The following CCSER1 variants were observed in gnomAD, a reference collection of about 807,000 sequenced individuals.
The protein encoded by CCSER1 is coiled-coil serine rich protein 1.
CCSER1 carries 41 observed loss-of-function variants against 82.0 expected under a neutral mutation model. That is an observed-to-expected ratio of 0.50 (90% confidence interval 0.39 to 0.65). CCSER1 has a LOEUF of 0.65. CCSER1 is among the 30% of genes least tolerant of loss of function. The probability of loss-of-function intolerance (pLI) is 0.00; values close to 1 mark genes in which losing one functional copy is unlikely to be tolerated. For synonymous variants in CCSER1, 414 were observed against 383.9 expected (o/e 1.08, Z -0.92); for missense variants, 1,119 against 1,064.2 (o/e 1.05, Z -0.72).
At chr4:91,318,339 A>G (rs977026663) in intron 10 of CCSER1, among the ~76,000 whole-genome samples, 7 of 151,994 alleles carry the variant, frequency 4.6e-5, no homozygotes, top group Non-Finnish European at 7.4e-5. Context: ...ATTATTTTCC[A>G]ATCAGTTTTT....
chr4:90,611,059 C>G (rs376085213), intron 5 of CCSER1, among the ~76,000 whole-genome samples: 1 of 93,808 alleles, frequency 1.1e-5, no homozygotes, highest in African/African-American at 5.6e-5. Context: ...CTTTTCTTTT[C>G]TTTTTTTTTT....
At chr4:91,468,720 T>G (rs1477796933) in intron 10 of CCSER1, among the ~76,000 whole-genome samples, 1 of 152,032 alleles carries the variant, frequency 6.6e-6, no homozygotes, top group African/African-American at 2.4e-5. Flanking sequence ...AATATATTCT[T>G]TTAAATATAG....
At chr4:91,481,351 T>G (rs1757899216) in intron 10 of CCSER1, among the ~76,000 whole-genome samples, 1 of 152,090 alleles carries the variant, frequency 6.6e-6, no homozygotes, top group East Asian at 1.9e-4. Flanking sequence ...GGCTATCTTC[T>G]CTCTGTGTTC....
intron 6 of CCSER1, among the ~76,000 whole-genome samples, chr4:90,704,111 C>T (rs538480177): frequency 2.0e-5 from 3 of 152,176 alleles, no homozygotes; most frequent in African/African-American, 7.2e-5. Context: ...GTGGCTGGTA[C>T]CGGTTGTTCC....
chr4:91,238,118 T>A (rs1179138206), intron 10 of CCSER1, among the ~76,000 whole-genome samples: 4 of 152,120 alleles, frequency 2.6e-5, no homozygotes, highest in African/African-American at 9.7e-5. Context: ...TCAACAGGAT[T>A]TCACTCCCTT....
intron 10 of CCSER1, among the ~76,000 whole-genome samples, chr4:91,454,351 TC>T (rs1171306704): frequency 1.3e-5 from 2 of 151,942 alleles, no homozygotes; most frequent in African/African-American, 4.8e-5. Flanking sequence ...CGTGACCCCT[TC>T]CCCCATCTTT....
At chr4:91,551,121 A>G (rs1012444846) in intron 10 of CCSER1, among the ~76,000 whole-genome samples, 1 of 152,048 alleles carries the variant, frequency 6.6e-6, no homozygotes, top group Admixed American at 6.6e-5. Context: ...CTTATATACT[A>G]TATATTTAGG....
chr4:91,075,178 A>ATTT (rs34000064), intron 9 of CCSER1, among the ~76,000 whole-genome samples: 2,152 of 148,802 alleles, frequency 0.014, 50 homozygotes, highest in African/African-American at 0.043. Flanking sequence ...AGGAAGTTCT[A>ATTT]TTTTTTTTTT....
intron 10 of CCSER1, among the ~76,000 whole-genome samples, chr4:91,439,843 C>A (rs1456376857): frequency 3.3e-5 from 5 of 152,084 alleles, no homozygotes; most frequent in Non-Finnish European, 7.4e-5. Flanking sequence ...GACTTTAAAC[C>A]AACAAAGATC....
intron 10 of CCSER1, among the ~76,000 whole-genome samples, chr4:91,382,071 G>A (rs1750940675): frequency 6.6e-6 from 1 of 152,140 alleles, no homozygotes; most frequent in Non-Finnish European, 1.5e-5. Flanking sequence ...CCGAACAGTG[G>A]ATATTGCTGA....
intron 6 of CCSER1, among the ~76,000 whole-genome samples, chr4:90,637,490 A>T (rs965411561): frequency 6.6e-6 from 1 of 152,114 alleles, no homozygotes; most frequent in Non-Finnish European, 1.5e-5. Context: ...GGTAGGGAAC[A>T]TTGTGGTCCA....
chr4:90,895,439 C>T (rs1272409996), intron 8 of CCSER1, among the ~76,000 whole-genome samples: 5 of 151,862 alleles, frequency 3.3e-5, no homozygotes, highest in Non-Finnish European at 7.4e-5. Flanking sequence ...TAACATTAGA[C>T]AACTCAAACT....
At chr4:91,145,866 G>T (rs1729482298) in intron 10 of CCSER1, among the ~76,000 whole-genome samples, 1 of 152,102 alleles carries the variant, frequency 6.6e-6, no homozygotes, top group Non-Finnish European at 1.5e-5. Context: ...TGACCCTTTT[G>T]TTTAGCTTCA....
At chr4:91,448,268 T>C (rs1057062699) in intron 10 of CCSER1, among the ~76,000 whole-genome samples, 5 of 152,154 alleles carry the variant, frequency 3.3e-5, no homozygotes, top group African/African-American at 1.2e-4. Flanking sequence ...ATAAATTTAA[T>C]TTTCAGCACA....
At chr4:90,643,531 A>C (rs1342321100) in intron 6 of CCSER1, among the ~76,000 whole-genome samples, 1 of 152,228 alleles carries the variant, frequency 6.6e-6, no homozygotes, top group African/African-American at 2.4e-5. Flanking sequence ...GGTTGGGGAT[A>C]ACAGTCACAT....
At chr4:90,566,032 A>AT (rs375375662) in intron 5 of CCSER1, among the ~76,000 whole-genome samples, 2,356 of 122,526 alleles carry the variant, frequency 0.019, 32 homozygotes, top group South Asian at 0.029. Context: ...TAATTTTTGT[A>AT]TTTTTTTTTT....
At position 91,599,051 on chromosome 4, in the gene CCSER1, T is replaced by C; in HGVS notation, c.2697T>C (p.Asp899=). 2.0e-6 allele frequency: 3 copies of C among 1,536,510 alleles called. No homozygotes were observed. Among genetic ancestry groups the C allele is most frequent in the South Asian group, 2.4e-5 (2 of 83,044 alleles). The change falls in exon 11 of 11, where the codon GAT becomes GAC. Residue 899 remains aspartate, a synonymous_variant. Transcript: ENST00000509176. ...STELQTLGQQ[D]G ...AGCTGCAAACTCTAGGCCAGCAGGATGGGTAATTAAATCACCGTATTCCTG... is the reference window on the plus strand; with the variant it reads ...AGCTGCAAACTCTAGGCCAGCAGGACGGGTAATTAAATCACCGTATTCCTG...
At chr4:91,217,673 G>A (rs1737362472) in intron 10 of CCSER1, among the ~76,000 whole-genome samples, 2 of 149,902 alleles carry the variant, frequency 1.3e-5, no homozygotes. Flanking sequence ...GTGCTGATTG[G>A]CATATTTACA....
At chr4:90,775,877 T>A (rs1331836778) in intron 7 of CCSER1, among the ~76,000 whole-genome samples, 1 of 151,702 alleles carries the variant, frequency 6.6e-6, no homozygotes, top group East Asian at 1.9e-4. Context: ...GAGGAAAATG[T>A]CTCCCAATCT....
Sources: allele counts gnomAD v4.1 joint callset (sites outside exome capture counted in the v4.1 genomes callset), GRCh38; gene constraint gnomAD v4.1.1; transcripts MANE v1.5; gene names NCBI Gene and HGNC (gene_info 2026-07-23, HGNC 2026-07-21).